The following MRPL43 variants were observed in gnomAD, a reference collection of about 807,000 sequenced individuals.
MRPL43 encodes mitochondrial ribosomal protein L43, also known as large ribosomal subunit protein mL43.
Under a neutral mutation model 12.7 loss-of-function variants are expected in MRPL43, and 9 were observed. That is an observed-to-expected ratio of 0.71 (90% CI 0.43 to 1.24). The LOEUF (loss-of-function observed/expected upper bound fraction) is 1.24, where lower values mean the gene tolerates loss of function less well. MRPL43 is among the 50% of genes most tolerant of loss of function. The pLI is 0.00. For missense variants in MRPL43, 211 were observed against 229.2 expected, an observed-to-expected ratio of 0.92 and a Z score of 0.51; for synonymous variants, 116 against 96.4, an observed-to-expected ratio of 1.20 and a Z score of -1.19.
At chr10:100,979,907 T>C (rs1240413142), downstream of MRPL43, 3 of 1,614,080 alleles carry the variant, frequency 1.9e-6, no homozygotes, top group African/African-American at 1.3e-5. Flanking sequence ...CAGGCTGTCT[T>C]TGCAGGACCC....
downstream of MRPL43, chr10:100,980,688 T>C (rs377270509): frequency 1.9e-5 from 30 of 1,613,082 alleles, no homozygotes; most frequent in Non-Finnish European, 2.3e-5. Context: ...CATCTCTCTA[T>C]TGCAGGTAGC....
chr10:100,987,417 G>C lies in MRPL43; in HGVS notation c.27C>G (p.Arg9=), dbSNP rs1383541739. 2.5e-6 allele frequency: 4 copies of C among 1,612,454 alleles called. No individual in the cohort carries two copies. In the South Asian group the frequency reaches 4.4e-5, roughly 18 times the overall value. The change falls in exon 1 of 3, where the codon CGC becomes CGG. Residue 9 remains arginine (R), a synonymous_variant. Coordinates refer to ENST00000318364, the MANE Select transcript of MRPL43 (RefSeq NM_032112.3). ...CGTTGTGGAGAACGCTGGCCAAGAAGCGGCTCGGAGTCCCGCGCGCCGTCA... is the reference window on the plus strand; with the variant it reads ...CGTTGTGGAGAACGCTGGCCAAGAACCGGCTCGGAGTCCCGCGCGCCGTCA... MTARGTPS[R]FLASVLHNGL...
At chr10:100,980,796 G>A (rs376522749), downstream of MRPL43, 4 of 1,550,280 alleles carry the variant, frequency 2.6e-6, no homozygotes, top group African/African-American at 4.2e-5. Flanking sequence ...GGACGCTGCC[G>A]ACCAACTGTC....
chr10:100,979,294 G>A (rs1354135008), downstream of MRPL43: 1 of 1,614,178 alleles, frequency 6.2e-7, no homozygotes, highest in Non-Finnish European at 8.5e-7. Context: ...ACAATCGGGA[G>A]GCAAGAAACT....
At position 100,986,884 on chromosome 10, in the gene MRPL43, C is replaced by T. The variant is rs1251272984; in HGVS notation, c.330G>A (p.Leu110=). 1.2e-6 allele frequency: 2 copies of T among 1,613,218 alleles called. No individual in the cohort carries two copies. Among genetic ancestry groups the T allele is most frequent in the Non-Finnish European group, 8.5e-7 (1 of 1,180,028 alleles). ...AGGGCTTGCGGATGCGGATCACGTC[C>T]AAGCCCGACTGGTCGGCCAGCTTCT... ...LVQKLADQSG[L]DVIRIRKPFH... is the part of the protein sequence containing the mutation. Residue 110 remains leucine (L), a synonymous_variant, in exon 3 of 3, where the codon TTG becomes TTA. Transcript: ENST00000318364.
chr10:100,987,015 T>A (rs780154115), intron 2 of MRPL43, 40 bp from the exon 3 acceptor site: 5 of 1,605,206 alleles, frequency 3.1e-6, no homozygotes, highest in Non-Finnish European at 4.2e-6. Context: ...AGCTGGCCGG[T>A]GCGACCAAGC....
At chr10:100,978,594 CCCACA>C, downstream of MRPL43, 8 of 1,614,148 alleles carry the variant, frequency 5.0e-6, no homozygotes, top group Non-Finnish European at 5.9e-6. Flanking sequence ...GGAGCCGCCA[CCCACA>C]CTCCCTGAGA....
downstream of MRPL43, chr10:100,983,426 C>T (rs764701072): frequency 8.1e-6 from 13 of 1,613,402 alleles, no homozygotes; most frequent in Admixed American, 3.3e-5. Context: ...TGGGCCTGAG[C>T]GATGGGCAGG....
At chr10:100,980,574 C>A, downstream of MRPL43, 1 of 1,612,326 alleles carries the variant, frequency 6.2e-7, no homozygotes, top group Non-Finnish European at 8.5e-7. Context: ...TCTTTCCATA[C>A]CAGCTGATGG....
chr10:100,985,350 C>T (rs1851393161), downstream of MRPL43: 3 of 157,242 alleles, frequency 1.9e-5, no homozygotes, highest in African/African-American at 7.2e-5. Context: ...ACAATCAATT[C>T]TGACTGAGCT....
chr10:100,984,431 G>A, downstream of MRPL43: 2 of 1,491,796 alleles, frequency 1.3e-6, no homozygotes, highest in South Asian at 1.3e-5. Flanking sequence ...AACACTTATA[G>A]GTGAGGACTC....
downstream of MRPL43, chr10:100,980,100 C>A: frequency 6.2e-7 from 1 of 1,613,682 alleles, no homozygotes; most frequent in Non-Finnish European, 8.5e-7. Flanking sequence ...CCGAGGTTCA[C>A]CACCTTCGTC....
chr10:100,979,970 T>TGCC, downstream of MRPL43: 2 of 1,613,876 alleles, frequency 1.2e-6, no homozygotes, highest in Middle Eastern at 3.3e-4. Context: ...GAGGGTGGGG[T>TGCC]GCCTGAGCCC....
Position 100,986,725 on chromosome 10 carries a change from G to C in MRPL43, c.*9C>G. 6.2e-7 allele frequency: 1 copy of C among 1,613,928 alleles called. No homozygotes were observed. Among genetic ancestry groups the C allele is most frequent in the East Asian group, 2.2e-5 (1 of 44,862 alleles). On this transcript the variant is annotated 3_prime_UTR_variant, in exon 3 of 3. Coordinates refer to ENST00000318364, the MANE Select transcript of MRPL43 (RefSeq NM_032112.3). The stretch of plus-strand genomic sequence containing the variant: ...CAAAGCCTGGGGCTGCAGTTGGTGG[G>C]GCAACTCTTCACTGTGCTTGCACCT...
downstream of MRPL43, chr10:100,980,970 C>T (rs767343866): frequency 9.4e-6 from 15 of 1,602,778 alleles, 1 homozygote; most frequent in South Asian, 1.3e-4. Flanking sequence ...GCAGCCACCA[C>T]CATAGCCAAC....
downstream of MRPL43, chr10:100,978,815 G>C (rs543987417): frequency 1.2e-6 from 2 of 1,606,152 alleles, no homozygotes; most frequent in Non-Finnish European, 1.7e-6. Context: ...TCCCCAGCCT[G>C]TCTCAAAAGC....
At chr10:100,984,756 T>C (rs897779980), downstream of MRPL43, 2 of 1,536,022 alleles carry the variant, frequency 1.3e-6, no homozygotes, top group African/African-American at 2.7e-5. Flanking sequence ...CCCAGCCCCA[T>C]GTGGTGACCT....
chr10:100,979,421 T>C (rs1400882199), downstream of MRPL43: 1 of 1,559,852 alleles, frequency 6.4e-7, no homozygotes, highest in Non-Finnish European at 8.7e-7. Context: ...TCTTGCTCTG[T>C]TGCCAGGCTG....
chr10:100,983,776 G>A (rs145555722), downstream of MRPL43: 214 of 1,609,038 alleles, frequency 1.3e-4, 1 homozygote, highest in African/African-American at 2.3e-3. Flanking sequence ...AGCCGGGCAG[G>A]AGGATCTGCG....
Sources: gnomAD v4.1 joint callset for allele counts on GRCh38, gnomAD v4.1.1 for gene constraint, MANE v1.5 for transcripts, NCBI Gene and HGNC (gene_info 2026-07-23, HGNC 2026-07-21) for gene names.